Variants in RNF180 observed in about 807,000 individuals in gnomAD.
RNF180 encodes E3 ubiquitin-protein ligase RNF180.
Under a neutral mutation model 59.2 loss-of-function variants are expected in RNF180, and 38 were observed. That is an observed-to-expected ratio of 0.64 (90% CI 0.50 to 0.84). The LOEUF (loss-of-function observed/expected upper bound fraction) is 0.84, where lower values mean the gene tolerates loss of function less well. Ranked by LOEUF, RNF180 falls within the 40% of genes least tolerant of loss-of-function variation. RNF180 has a pLI of 0.00. For missense variants in RNF180, 705 were observed against 700.9 expected (o/e 1.01, Z -0.07); for synonymous variants, 262 against 240.3 (o/e 1.09, Z -0.84).
chr5:64,348,899 A>G (rs1261777642), intron 7 of RNF180, among the ~76,000 whole-genome samples: 3 of 152,118 alleles, frequency 2.0e-5, no homozygotes, highest in Non-Finnish European at 4.4e-5. Context: ...TTATTTTGAT[A>G]TTAATATTGC....
chr5:64,320,484 C>A (rs1744289392), intron 5 of RNF180, among the ~76,000 whole-genome samples: 1 of 152,164 alleles, frequency 6.6e-6, no homozygotes, highest in Admixed American at 6.5e-5. Context: ...ACTATATACA[C>A]AAAAGGTACA....
chr5:64,283,436 CTG>C (rs1742116921), intron 5 of RNF180, among the ~76,000 whole-genome samples: 1 of 152,016 alleles, frequency 6.6e-6, no homozygotes, highest in Non-Finnish European at 1.5e-5. Context: ...GTTTGTCACT[CTG>C]TGCCTTCTAA....
At chr5:64,247,632 A>T (rs1413848429) in intron 5 of RNF180, among the ~76,000 whole-genome samples, 3 of 152,356 alleles carry the variant, frequency 2.0e-5, no homozygotes, top group South Asian at 2.1e-4. Flanking sequence ...ATGGAAGAAC[A>T]TTCCATGCTT....
chr5:64,222,050 A>G (rs1411330696), intron 5 of RNF180, among the ~76,000 whole-genome samples: 4 of 152,126 alleles, frequency 2.6e-5, no homozygotes, highest in Admixed American at 2.0e-4. Flanking sequence ...GTCATGTCTC[A>G]TTAGGTTCCT....
At position 64,256,684 on chromosome 5, in the gene RNF180, G is replaced by C. The variant is rs1395573778; in HGVS notation, c.1227+39288G>C. On this transcript the variant is annotated intron_variant, in intron 5 of 7. Coordinates refer to ENST00000389100, the MANE Select transcript of RNF180 (RefSeq NM_001113561.2). Reference sequence around the variant, plus strand: ...GGCTTAGGATTGACTTGGCAATGTGGGCTCTTTTTTGGTTCCATATGAAAT... The same window carrying C: ...GGCTTAGGATTGACTTGGCAATGTGCGCTCTTTTTTGGTTCCATATGAAAT... Among the ~76,000 whole-genome samples, 3 of 152,244 alleles carry C rather than the reference G, an allele frequency of 2.0e-5. No individual in the cohort carries two copies. The East Asian group carries it at 5.8e-4, about 29-fold the overall frequency.
At chr5:64,312,647 C>T (rs1231660435) in intron 5 of RNF180, among the ~76,000 whole-genome samples, 1 of 152,010 alleles carries the variant, frequency 6.6e-6, no homozygotes, top group Non-Finnish European at 1.5e-5. Context: ...GGAGTGGTTC[C>T]GTTTCACTGA....
At chr5:64,208,430 A>G (rs1186736039) in intron 2 of RNF180, among the ~76,000 whole-genome samples, 1 of 151,926 alleles carries the variant, frequency 6.6e-6, no homozygotes, top group East Asian at 1.9e-4. Flanking sequence ...AATTCCTAAA[A>G]TTGGGTTGCC....
At chr5:64,344,373 G>A (rs1410775970) in intron 7 of RNF180, among the ~76,000 whole-genome samples, 1 of 152,086 alleles carries the variant, frequency 6.6e-6, no homozygotes, top group African/African-American at 2.4e-5. Context: ...AATAAAAGAG[G>A]CAATTCCATA....
At chr5:64,283,298 C>CT (rs1424479650) in intron 5 of RNF180, among the ~76,000 whole-genome samples, 3 of 151,736 alleles carry the variant, frequency 2.0e-5, no homozygotes, top group Admixed American at 1.3e-4. Context: ...GTTTTATCTG[C>CT]TTTTTTTGTG....
At chr5:64,204,360 G>A (rs1751910210) in intron 2 of RNF180, among the ~76,000 whole-genome samples, 1 of 152,122 alleles carries the variant, frequency 6.6e-6, no homozygotes, top group African/African-American at 2.4e-5. Flanking sequence ...GCATCATAGG[G>A]TATGTGCATG....
chr5:64,269,048 CCT>C (rs1198902765), intron 5 of RNF180, among the ~76,000 whole-genome samples: 2 of 152,110 alleles, frequency 1.3e-5, no homozygotes, highest in African/African-American at 4.8e-5. Flanking sequence ...ACCATCCTTA[CCT>C]CTCTTATATT....
chr5:64,241,217 A>T (rs1200481479), intron 5 of RNF180, among the ~76,000 whole-genome samples: 1 of 152,212 alleles, frequency 6.6e-6, no homozygotes, highest in African/African-American at 2.4e-5. Flanking sequence ...CCTTTACTGT[A>T]GAAGACCCCT....
chr5:64,199,656 G>A (rs757100782), intron 1 of RNF180, among the ~76,000 whole-genome samples: 8 of 152,222 alleles, frequency 5.3e-5, no homozygotes, highest in African/African-American at 7.2e-5. Context: ...AGTGTTGGAC[G>A]AATGAGAACT....
At chr5:64,182,500 A>G (rs1750653974) in intron 1 of RNF180, among the ~76,000 whole-genome samples, 1 of 152,226 alleles carries the variant, frequency 6.6e-6, no homozygotes. Context: ...GGAGCCTCCA[A>G]GGGCCTCAGT....
In RNF180 at chr5:64,335,182, A is replaced by G. The variant is rs1385995183; in HGVS notation, c.1579+4776A>G. On this transcript the variant is annotated intron_variant, in intron 7 of 7. Transcript: ENST00000389100. ...TTCATCTGTGAAATGCTTTTTTACGATTTTCTGTTGGTTGTATTTTTTTGT... is the reference window on the plus strand; with the variant it reads ...TTCATCTGTGAAATGCTTTTTTACGGTTTTCTGTTGGTTGTATTTTTTTGT... Among the ~76,000 whole-genome samples the G allele has an allele frequency of 3.3e-5, 5 of 151,556 alleles. No homozygotes were observed. In the East Asian group the frequency reaches 9.7e-4, roughly 29 times the overall value.
Position 64,245,825 on chromosome 5 carries a change from C to T in RNF180, c.1227+28429C>T, listed in dbSNP as rs186883671. On this transcript the variant is annotated intron_variant, in intron 5 of 7. Coordinates refer to ENST00000389100, the MANE Select transcript of RNF180 (RefSeq NM_001113561.2). ...TCAACAGAATATACATTCTTCTAAA[C>T]ACCACATAGCACTTATTCTAAAATC... Among the ~76,000 whole-genome samples, 159 of 152,284 alleles carry T rather than the reference C, an allele frequency of 1.0e-3. 2 individuals are homozygous for T. The East Asian group carries it at 0.017, about 17-fold the overall frequency.
chr5:64,362,371 G>A (rs936680492), intron 7 of RNF180, among the ~76,000 whole-genome samples: 2 of 151,828 alleles, frequency 1.3e-5, no homozygotes, highest in Admixed American at 6.6e-5. Flanking sequence ...AGCTTGCTAA[G>A]GATAATGGCC....
intron 1 of RNF180, among the ~76,000 whole-genome samples, chr5:64,186,574 A>G (rs1244976286): frequency 1.3e-5 from 2 of 152,060 alleles, no homozygotes; most frequent in East Asian, 1.9e-4. Context: ...GTTATTCTTT[A>G]TGTTCTGGGA....
At chr5:64,361,970 T>C (rs1042432046) in intron 7 of RNF180, among the ~76,000 whole-genome samples, 2 of 151,438 alleles carry the variant, frequency 1.3e-5, no homozygotes, top group Non-Finnish European at 3.0e-5. Context: ...CCTCATAAGC[T>C]CAACCCTACC....
Sources: gnomAD v4.1 joint callset for allele counts (sites outside exome capture counted in the v4.1 genomes callset) on GRCh38, gnomAD v4.1.1 for gene constraint, MANE v1.5 for transcripts, NCBI Gene and HGNC (gene_info 2026-07-23, HGNC 2026-07-21) for gene names.